The following LVRN variants were observed in gnomAD, a reference collection of about 807,000 sequenced individuals.
LVRN encodes aminopeptidase Q.
In LVRN, 99 loss-of-function variants were observed where a neutral mutation model predicts 111.4. That is an observed-to-expected ratio of 0.89 (90% confidence interval 0.76 to 1.05). The LOEUF (loss-of-function observed/expected upper bound fraction) is 1.05, where lower values mean the gene tolerates loss of function less well. Ranked by LOEUF, LVRN falls within the 50% of genes least tolerant of loss-of-function variation. LVRN has a pLI of 0.00. For synonymous variants in LVRN, 488 were observed against 449.5 expected (o/e 1.09, Z -1.08); for missense variants, 1,414 against 1,206.8 (o/e 1.17, Z -2.54).
chr5:116,010,835 T>C lies in LVRN; in HGVS notation c.2188T>C (p.Leu730=). ...IIVWHTVLVN[L]VTRDLVSEVN... ...AGTATGGCATACAGTCTTGGTAAAC[T>C]TGGTAACCAGGGATCTTGTTTCTGA... The change falls in exon 14 of 20, where the codon TTG becomes CTG. Residue 730 remains leucine (L), a synonymous_variant. Coordinates refer to ENST00000357872, the MANE Select transcript of LVRN (RefSeq NM_173800.5). The C allele has an allele frequency of 6.2e-7, 1 of 1,612,080 alleles. No homozygotes were observed. Among genetic ancestry groups the C allele is most frequent in the Non-Finnish European group, 8.5e-7 (1 of 1,178,980 alleles).
At chr5:115,985,723 T>C (rs188479658) in intron 3 of LVRN, among the ~76,000 whole-genome samples, 29 of 152,340 alleles carry the variant, frequency 1.9e-4, no homozygotes, top group Admixed American at 1.2e-3. Context: ...CACTCTGTCC[T>C]GAAATAGCTG....
chr5:115,973,399 C>G (rs539395422), intron 1 of LVRN, among the ~76,000 whole-genome samples: 24 of 152,166 alleles, frequency 1.6e-4, no homozygotes, highest in Admixed American at 5.9e-4. Context: ...ATTTTGATGT[C>G]AAAGTAACAC....
chr5:116,010,579 G>C (rs1222565323), intron 13 of LVRN, 162 bp from the exon 14 acceptor site: 1 of 768,498 alleles, frequency 1.3e-6, no homozygotes, highest in Non-Finnish European at 2.2e-6. Flanking sequence ...CTTTGCTTGG[G>C]TTTCATCCTT....
In LVRN at chr5:115,989,145, G is replaced by A. The variant is rs545506154; in HGVS notation, c.1105+1206G>A. 3.9e-5 allele frequency among the ~76,000 whole-genome samples: 6 copies of A among 152,236 alleles called. No individual in the cohort carries two copies. The South Asian group carries it at 8.3e-4, about 21-fold the overall frequency. On this transcript the variant is annotated intron_variant, in intron 4 of 19. Transcript: ENST00000357872. ...ATATGAAACCAGAAGGATCTTTCCAGAGAAAATCTGATCATGTTACTGTTC... is the reference window on the plus strand; with the variant it reads ...ATATGAAACCAGAAGGATCTTTCCAAAGAAAATCTGATCATGTTACTGTTC...
chr5:116,012,469 G>GT lies in LVRN; in HGVS notation c.2342+2dup. The GT allele has an allele frequency of 2.0e-6, 3 of 1,506,588 alleles. No homozygotes were observed. The highest frequency in any genetic ancestry group is 1.2e-5 in the South Asian group (1 of 83,068). The allele number at this position is 1,506,588 out of a possible 1,614,324, so 93.3% of individuals were successfully genotyped here. A position where few individuals can be genotyped will look rare whatever the true frequency, so the allele number is the denominator to read the frequency against. The stretch of plus-strand genomic sequence containing the variant: ...CATTACAAGATGACTACTTAGCTCT[G>GT]TAAGTATGTTTTCAGAAGTGATAAT... On this transcript the variant is annotated splice_donor_variant, in intron 15 of 19. Coordinates refer to ENST00000357872, the MANE Select transcript of LVRN (RefSeq NM_173800.5). LOFTEE classifies it high-confidence loss of function.
rs189119678 is a variant in LVRN, at chr5:116,008,728, C to T, written c.2094-2013C>T. On this transcript the variant is annotated intron_variant, in intron 13 of 19. Coordinates refer to ENST00000357872, the MANE Select transcript of LVRN (RefSeq NM_173800.5). ...AGCCTAATCCAGAGCAAGGTCCTAACTCTCTTCAATTCTATTCAGGCTAAG... is the reference window on the plus strand; with the variant it reads ...AGCCTAATCCAGAGCAAGGTCCTAATTCTCTTCAATTCTATTCAGGCTAAG... Among the ~76,000 whole-genome samples the T allele has an allele frequency of 6.1e-3, 932 of 152,292 alleles. 12 individuals are homozygous for T. The highest frequency in any genetic ancestry group is 0.021 in the African/African-American group (889 of 41,572).
At position 116,026,635 on chromosome 5, in the gene LVRN, G is replaced by A. The variant is rs1358637244; in HGVS notation, c.*517G>A. 6.2e-6 allele frequency: 1 copy of A among 160,650 alleles called. No homozygotes were observed. Among genetic ancestry groups the A allele is most frequent in the Non-Finnish European group, 1.3e-5 (1 of 74,262 alleles). 10.0% of individuals were successfully genotyped at this position (160,650 alleles called of 1,614,324 possible). A position where few individuals can be genotyped will look rare whatever the true frequency, so the allele number is the denominator to read the frequency against. Reference sequence around the variant, plus strand: ...AGACAGTGGAGCCAAAGAAAAGCAAGTTGAAAAAGAAAGAGGAGACAATTT... The same window carrying A: ...AGACAGTGGAGCCAAAGAAAAGCAAATTGAAAAAGAAAGAGGAGACAATTT... On this transcript the variant is annotated 3_prime_UTR_variant, in exon 20 of 20. Coordinates refer to ENST00000357872, the MANE Select transcript of LVRN (RefSeq NM_173800.5).
At chr5:116,016,442 A>G (rs1748603860) in intron 18 of LVRN, among the ~76,000 whole-genome samples, 1 of 152,218 alleles carries the variant, frequency 6.6e-6, no homozygotes, top group South Asian at 2.1e-4. Context: ...ATTTTATATT[A>G]ATGGTGTGGA....
At chr5:116,021,557 G>C (rs1032471682) in intron 18 of LVRN, 1 of 271,382 alleles carries the variant, frequency 3.7e-6, no homozygotes, top group Admixed American at 5.1e-5. Context: ...ACCTTTATTA[G>C]TATATTATGC....
At chr5:116,013,605 G>T (rs1748535816) in intron 15 of LVRN, among the ~76,000 whole-genome samples, 2 of 152,116 alleles carry the variant, frequency 1.3e-5, no homozygotes, top group South Asian at 4.1e-4. Flanking sequence ...CTGTCTCTCA[G>T]CGGACCTCCA....
intron 3 of LVRN, among the ~76,000 whole-genome samples, chr5:115,986,814 C>T (rs771110022): frequency 3.9e-5 from 6 of 152,042 alleles, no homozygotes; most frequent in Admixed American, 6.5e-5. Context: ...CAAAGTAAGA[C>T]GAATATGTTC....
intron 19 of LVRN, 119 bp from the exon 20 acceptor site, chr5:116,025,859 A>T: frequency 7.7e-7 from 1 of 1,302,954 alleles, no homozygotes; most frequent in Non-Finnish European, 1.1e-6. Flanking sequence ...ATACATTTCT[A>T]CTCATTCCAA....
intron 1 of LVRN, among the ~76,000 whole-genome samples, chr5:115,972,150 G>A (rs1236560242): frequency 6.6e-6 from 1 of 151,968 alleles, no homozygotes; most frequent in Non-Finnish European, 1.5e-5. Context: ...CCAAAAGTTT[G>A]ATATATATAA....
At chr5:116,010,651 A>G (rs1748469465) in intron 13 of LVRN, 90 bp from the exon 14 acceptor site, 2 of 1,316,122 alleles carry the variant, frequency 1.5e-6, no homozygotes, top group Non-Finnish European at 2.1e-6. Context: ...TATTGAAGTC[A>G]TGCATTGAAA....
At chr5:115,979,164 C>T (rs1400194476) in intron 1 of LVRN, among the ~76,000 whole-genome samples, 1 of 152,116 alleles carries the variant, frequency 6.6e-6, no homozygotes, top group Non-Finnish European at 1.5e-5. Flanking sequence ...AATGCTCATG[C>T]TTCCCTGGCC....
chr5:115,980,653 T>C (rs1380592460), intron 1 of LVRN, among the ~76,000 whole-genome samples: 4 of 152,108 alleles, frequency 2.6e-5, no homozygotes, highest in Non-Finnish European at 5.9e-5. Flanking sequence ...TTGCAGTCTC[T>C]TTGAGATTCA....
intron 19 of LVRN, among the ~76,000 whole-genome samples, chr5:116,025,685 T>A (rs1748848156): frequency 6.6e-6 from 1 of 152,208 alleles, no homozygotes; most frequent in Non-Finnish European, 1.5e-5. Flanking sequence ...GAACACTCTA[T>A]ATGCGTTCAG....
intron 6 of LVRN, among the ~76,000 whole-genome samples, chr5:115,996,342 T>C (rs1015598171): frequency 2.0e-5 from 3 of 152,160 alleles, no homozygotes; most frequent in African/African-American, 7.2e-5. Context: ...GATTACAACG[T>C]TAGTCTCTTT....
chr5:116,021,766 G>GTTT (rs1472355606), intron 18 of LVRN: 25 of 439,112 alleles, frequency 5.7e-5, no homozygotes, highest in Non-Finnish European at 1.1e-4. Context: ...AGTGTCTGCT[G>GTTT]TTTTTTCATA....
Sources: gnomAD v4.1 joint callset for allele counts (sites outside exome capture counted in the v4.1 genomes callset) on GRCh38, gnomAD v4.1.1 for gene constraint, MANE v1.5 for transcripts, NCBI Gene and HGNC (gene_info 2026-07-23, HGNC 2026-07-21) for gene names.